Variants in SMC1B observed in about 807,000 individuals in gnomAD.
SMC1B encodes the protein structural maintenance of chromosomes protein 1B.
Under a neutral mutation model 157.9 loss-of-function variants are expected in SMC1B, and 60 were observed. The ratio of observed to expected loss-of-function variants is 0.38; its 90% CI spans 0.31 to 0.47. The LOEUF (loss-of-function observed/expected upper bound fraction) is 0.47. SMC1B is among the 20% of genes least tolerant of loss of function. The pLI, the probability that SMC1B is intolerant of heterozygous loss-of-function variation, is 0.99. For synonymous variants in SMC1B, 445 were observed against 483.0 expected, an observed-to-expected ratio of 0.92 and a Z score of 1.03; for missense variants, 1,165 against 1,426.2, an observed-to-expected ratio of 0.82 and a Z score of 2.95.
At chr22:45,360,598 A>C (rs1208086205) in intron 17 of SMC1B, among the ~76,000 whole-genome samples, 2 of 152,112 alleles carry the variant, frequency 1.3e-5, no homozygotes, top group Non-Finnish European at 2.9e-5. Context: ...GGATCATTTA[A>C]GCCCAGAAGT....
Position 45,352,507 on chromosome 22 carries a change from A to G in SMC1B, c.3369T>C (p.Asn1123=), listed in dbSNP as rs764366107. Reference sequence around the variant, plus strand: ...CCACACACTTTTCTCCCCCTGACAAATTGTCCATTGGCATAAACCGTTTGC... The same window carrying G: ...CCACACACTTTTCTCCCCCTGACAAGTTGTCCATTGGCATAAACCGTTTGC... ...APGKRFMPMD[N]LSGGEKCVAA... The change falls in exon 22 of 25, where the codon AAT becomes AAC. Residue 1123 remains asparagine (N), a synonymous_variant. Transcript: ENST00000357450. 1 of 1,614,104 alleles carries G rather than the reference A, an allele frequency of 6.2e-7. No individual in the cohort carries two copies. Among genetic ancestry groups the G allele is most frequent in the South Asian group, 1.1e-5 (1 of 91,088 alleles).
intron 12 of SMC1B, among the ~76,000 whole-genome samples, chr22:45,383,064 C>T (rs1455688878): frequency 2.6e-5 from 4 of 151,570 alleles, no homozygotes; most frequent in Middle Eastern, 3.4e-3. Flanking sequence ...ACCCAGGAGG[C>T]GGAGGTTGTG....
chr22:45,403,130 G>A (rs1357039977), intron 4 of SMC1B, among the ~76,000 whole-genome samples: 1 of 152,206 alleles, frequency 6.6e-6, no homozygotes, highest in Admixed American at 6.5e-5. Flanking sequence ...AGTATTCAAA[G>A]TAACAGGCTA....
chr22:45,389,904 AG>A lies in SMC1B; in HGVS notation c.1546-8del, dbSNP rs1275633722. The A allele has an allele frequency of 7.5e-6, 12 of 1,607,942 alleles. No individual in the cohort carries two copies. The highest frequency in any genetic ancestry group is 1.6e-4 in the Middle Eastern group (1 of 6,072). On this transcript the variant is annotated splice_region_variant and splice_polypyrimidine_tract_variant and intron_variant, in intron 9 of 24. Transcript: ENST00000357450. The stretch of plus-strand genomic sequence containing the variant: ...GGTCAAATAGTCTTCCAAACTTAGC[AG>A]GTTTCAAAAAAGGAGAGAAAAACAG...
chr22:45,411,433 G>C (rs571550041), intron 1 of SMC1B, among the ~76,000 whole-genome samples: 1 of 152,188 alleles, frequency 6.6e-6, no homozygotes, highest in African/African-American at 2.4e-5. Context: ...CAGGAGCTAG[G>C]TGGAGAGGAA....
intron 15 of SMC1B, among the ~76,000 whole-genome samples, chr22:45,366,015 G>GGATT (rs1555926257): frequency 1.3e-5 from 2 of 151,680 alleles, no homozygotes; most frequent in African/African-American, 4.8e-5. Flanking sequence ...TTGTTTTTTG[G>GGATT]GTTTGTTTGT....
intron 16 of SMC1B, 70 bp from the exon 17 acceptor site, chr22:45,362,054 C>T: frequency 6.9e-7 from 1 of 1,446,888 alleles, no homozygotes; most frequent in Non-Finnish European, 9.4e-7. Context: ...ATGTTCTTAT[C>T]AATAACACCA....
intron 12 of SMC1B, among the ~76,000 whole-genome samples, chr22:45,379,315 C>T (rs879639315): frequency 1.3e-5 from 2 of 152,212 alleles, no homozygotes; most frequent in African/African-American, 4.8e-5. Flanking sequence ...AAAATGACTT[C>T]TTGTAAATAA....
In SMC1B at chr22:45,383,551, G is replaced by C. The variant is rs778384814; in HGVS notation, c.1974C>G (p.Asp658Glu). 3.7e-6 allele frequency: 6 copies of C among 1,610,322 alleles called. No individual in the cohort carries two copies. In the South Asian group the frequency reaches 4.4e-5, roughly 12 times the overall value. The stretch of plus-strand genomic sequence containing the variant: ...CCCAGCATCTAGCCTTGTATTTTAA[G>C]TCACTTGACCCTCCAGAGATCACTC... ...KSGVISGGSS[D>E]LKYKARCWDE... Residue 658 changes from aspartate (D) to glutamate (E), a missense_variant, in exon 12 of 25, where the codon GAC becomes GAG. Coordinates refer to ENST00000357450, the MANE Select transcript of SMC1B (RefSeq NM_148674.5).
At chr22:45,380,606 C>T (rs2086926929) in intron 12 of SMC1B, among the ~76,000 whole-genome samples, 1 of 152,062 alleles carries the variant, frequency 6.6e-6, no homozygotes, top group South Asian at 2.1e-4. Flanking sequence ...AATTCATCTA[C>T]TACATTTTAC....
rs754735261 is a variant in SMC1B, at chr22:45,399,323, C to G, written c.885G>C (p.Arg295Ser). The change falls in exon 6 of 25, where the codon AGG becomes AGC. Residue 295 changes from arginine (R) to serine (S), a missense_variant. Physicochemically the swap from Arg to Ser is moderately radical, Grantham distance 110. Transcript: ENST00000357450. ...KSVETLLNQK[R>S]PQYIKAKENT... ...TTTCTTTGGCTTTAATGTACTGAGG[C>G]CTCTTCTGATTTAAAAGGGTTTCAA... 3.1e-6 allele frequency: 5 copies of G among 1,612,222 alleles called. No homozygotes were observed. In the African/African-American group the frequency reaches 5.3e-5, roughly 17 times the overall value.
chr22:45,372,862 G>A (rs567265298), intron 12 of SMC1B, among the ~76,000 whole-genome samples: 9 of 151,762 alleles, frequency 5.9e-5, no homozygotes, highest in South Asian at 4.2e-4. Flanking sequence ...ACAGGCACCC[G>A]CCAGCAGGCC....
chr22:45,384,579 G>C (rs755021828), intron 11 of SMC1B, among the ~76,000 whole-genome samples: 14 of 152,038 alleles, frequency 9.2e-5, no homozygotes, highest in Non-Finnish European at 1.6e-4. Context: ...AATTAGCCAG[G>C]CGTGGTGGTG....
chr22:45,397,902 T>C (rs1276231102), intron 6 of SMC1B, among the ~76,000 whole-genome samples: 1 of 152,188 alleles, frequency 6.6e-6, no homozygotes, highest in Non-Finnish European at 1.5e-5. Flanking sequence ...CGATTGCCAG[T>C]GTAGCTTCAT....
intron 9 of SMC1B, among the ~76,000 whole-genome samples, chr22:45,391,123 C>G (rs1241522889): frequency 1.3e-5 from 2 of 151,178 alleles, no homozygotes; most frequent in Admixed American, 1.3e-4. Flanking sequence ...GTCTCAAACT[C>G]AAGTATTCTC....
At chr22:45,372,716 C>CTTTTTTTTTT (rs136574) in intron 12 of SMC1B, among the ~76,000 whole-genome samples, 2 of 123,582 alleles carry the variant, frequency 1.6e-5, no homozygotes, top group East Asian at 2.4e-4. Context: ...GACTCCAGGT[C>CTTTTTTTTTT]TTTTTTTTTT....
At chr22:45,353,436 G>A (rs1022841962) in intron 21 of SMC1B, among the ~76,000 whole-genome samples, 2 of 152,030 alleles carry the variant, frequency 1.3e-5, no homozygotes, top group African/African-American at 2.4e-5. Flanking sequence ...CATAAGTCCC[G>A]ACCTACATCT....
intron 12 of SMC1B, among the ~76,000 whole-genome samples, chr22:45,381,343 G>A (rs1449836487): frequency 2.0e-5 from 3 of 152,056 alleles, no homozygotes; most frequent in African/African-American, 7.2e-5. Flanking sequence ...GTAATTACAA[G>A]AGAAGACTGT....
chr22:45,362,823 T>C, intron 16 of SMC1B, 62 bp downstream of exon 16: 1 of 1,411,026 alleles, frequency 7.1e-7, no homozygotes, highest in Non-Finnish European at 9.9e-7. Flanking sequence ...ACAAAAGGTT[T>C]ACCACATGAA....
Sources: allele counts gnomAD v4.1 joint callset (sites outside exome capture counted in the v4.1 genomes callset), GRCh38; gene constraint gnomAD v4.1.1; transcripts MANE v1.5; gene names NCBI Gene and HGNC (gene_info 2026-07-23, HGNC 2026-07-21).